ZKSCAN1: variants seen among roughly 807,000 people sequenced by gnomAD.
ZKSCAN1 encodes zinc finger with KRAB and SCAN domains 1.
Under a neutral mutation model 51.6 loss-of-function variants are expected in ZKSCAN1, and 14 were observed. The ratio of observed to expected loss-of-function variants is 0.27; its 90% CI spans 0.18 to 0.42. The LOEUF (loss-of-function observed/expected upper bound fraction) is 0.42, where lower values mean the gene tolerates loss of function less well. Ranked by LOEUF, ZKSCAN1 falls within the 10% of genes least tolerant of loss-of-function variation. The probability of loss-of-function intolerance (pLI) is 1.00; values close to 1 mark genes in which losing one functional copy is unlikely to be tolerated. For synonymous variants in ZKSCAN1, 263 were observed against 261.5 expected (o/e 1.01, Z -0.06); for missense variants, 531 against 710.0 (o/e 0.75, Z 2.86).
At chr7:100,032,737 G>C (rs1433816724) in intron 5 of ZKSCAN1, among the ~76,000 whole-genome samples, 1 of 151,506 alleles carries the variant, frequency 6.6e-6, no homozygotes, top group Non-Finnish European at 1.5e-5. Context: ...GGCCAGGCGT[G>C]GTGGCTCACG....
At chr7:100,025,558 C>T (rs995369655) in intron 3 of ZKSCAN1, among the ~76,000 whole-genome samples, 4 of 152,146 alleles carry the variant, frequency 2.6e-5, no homozygotes, top group African/African-American at 9.7e-5. Flanking sequence ...ACAAGGAATG[C>T]TAAAAGTACA....
At chr7:100,027,914 C>T (rs1055711417) in intron 3 of ZKSCAN1, among the ~76,000 whole-genome samples, 2 of 151,828 alleles carry the variant, frequency 1.3e-5, no homozygotes, top group African/African-American at 2.4e-5. Flanking sequence ...TTTAGGTTGC[C>T]AGAGTAACAG....
At position 100,037,568 on chromosome 7, in the gene ZKSCAN1, C is replaced by G. The variant is rs1791416928; in HGVS notation, c.*3371C>G. On this transcript the variant is annotated 3_prime_UTR_variant, in exon 6 of 6. Coordinates refer to ENST00000324306, the MANE Select transcript of ZKSCAN1 (RefSeq NM_003439.4). ...AATACGGCAAAGCCTTTAATCACAT[C>G]TCAGCCCTTAGCATCGGAAAGCTTA... 2 of 985,360 alleles carry G rather than the reference C, an allele frequency of 2.0e-6. No individual in the cohort carries two copies. The highest frequency in any genetic ancestry group is 2.4e-6 in the Non-Finnish European group (2 of 829,950). 61.0% of individuals were successfully genotyped at this position (985,360 alleles called of 1,614,324 possible). A position where few individuals can be genotyped will look rare whatever the true frequency, so the allele number is the denominator to read the frequency against.
chr7:100,041,646 T>C lies in ZKSCAN1; in HGVS notation c.*7449T>C. ...AAATATTCTCTTTATGTTGTTTCTC[T>C]TCTGAGTCATGGTAAAACAATAAAT... On this transcript the variant is annotated 3_prime_UTR_variant, in exon 6 of 6. Transcript: ENST00000324306. 1.0e-6 allele frequency: 1 copy of C among 985,410 alleles called. No homozygotes were observed. Among genetic ancestry groups the C allele is most frequent in the Non-Finnish European group, 1.2e-6 (1 of 829,920 alleles). 61.0% of individuals were successfully genotyped at this position (985,410 alleles called of 1,614,324 possible).
At chr7:100,017,857 T>C (rs1313518950) in intron 1 of ZKSCAN1, among the ~76,000 whole-genome samples, 14 of 152,220 alleles carry the variant, frequency 9.2e-5, no homozygotes, top group Non-Finnish European at 2.9e-5. Context: ...AATTCAGTTA[T>C]TGCCTGTGCA....
At chr7:100,022,556 T>C (rs1332324096) in intron 1 of ZKSCAN1, among the ~76,000 whole-genome samples, 2 of 152,244 alleles carry the variant, frequency 1.3e-5, no homozygotes, top group African/African-American at 4.8e-5. Context: ...GCGGATCATC[T>C]TGTACTTTGG....
rs1212180027 is a variant in ZKSCAN1, at chr7:100,015,633, C to G, written c.-182C>G. On this transcript the variant is annotated 5_prime_UTR_variant, in exon 1 of 6. Transcript: ENST00000324306. ...GTCTGTGTCGAGGCGTCGGGAGGGC[C>G]TAAGTCCGTGTGCGGTGCCCTTCGG... 6.6e-6 allele frequency: 1 copy of G among 152,288 alleles called. No individual in the cohort carries two copies. The highest frequency in any genetic ancestry group is 1.5e-5 in the Non-Finnish European group (1 of 68,098). 9.4% of individuals were successfully genotyped at this position (152,288 alleles called of 1,614,324 possible). A position where few individuals can be genotyped will look rare whatever the true frequency, so the allele number is the denominator to read the frequency against.
chr7:100,028,490 G>A (rs1318247272), intron 3 of ZKSCAN1, among the ~76,000 whole-genome samples: 6 of 152,078 alleles, frequency 3.9e-5, no homozygotes, highest in Admixed American at 3.3e-4. Flanking sequence ...TCCAACCTGG[G>A]TGACAGAGAG....
Position 100,040,370 on chromosome 7 carries a change from C to T in ZKSCAN1, c.*6173C>T, listed in dbSNP as rs1020508645. ...TTCTCACCTCCATTTACTAAAGAAT[C>T]GTGACTTAATTCAAATTGCACAGTA... is the stretch of plus-strand genomic sequence containing the variant. On this transcript the variant is annotated 3_prime_UTR_variant, in exon 6 of 6. Transcript: ENST00000324306. The T allele has an allele frequency of 1.4e-4, 136 of 985,372 alleles. No individual in the cohort carries two copies. Among genetic ancestry groups the T allele is most frequent in the South Asian group, 3.3e-4 (7 of 21,278 alleles). The allele number at this position is 985,372 out of a possible 1,614,324, so 61.0% of individuals were successfully genotyped here.
rs899920110 is a variant in ZKSCAN1, at chr7:100,036,844, T to C, written c.*2647T>C. 2 of 984,856 alleles carry C rather than the reference T, an allele frequency of 2.0e-6. No individual in the cohort carries two copies. The highest frequency in any genetic ancestry group is 1.8e-5 in the African/African-American group (1 of 57,126). The allele number at this position is 984,856 out of a possible 1,614,324, so 61.0% of individuals were successfully genotyped here. ...TACATTGGCCTTTGGTTTTTTTTTT[T>C]CTTTCAGCCACAACTATATGCTGAT... On this transcript the variant is annotated 3_prime_UTR_variant, in exon 6 of 6. Coordinates refer to ENST00000324306, the MANE Select transcript of ZKSCAN1 (RefSeq NM_003439.4).
chr7:100,019,682 A>C (rs149373946), intron 1 of ZKSCAN1, among the ~76,000 whole-genome samples: 1 of 152,138 alleles, frequency 6.6e-6, no homozygotes, highest in East Asian at 1.9e-4. Context: ...TAAGTTATTT[A>C]ATGGCAGTAT....
At chr7:100,042,605 C>T (rs192284482), downstream of ZKSCAN1, among the ~76,000 whole-genome samples, 4 of 152,064 alleles carry the variant, frequency 2.6e-5, no homozygotes, top group South Asian at 2.1e-4. Flanking sequence ...TGCTTTGGAC[C>T]GGCTATAAAT....
In ZKSCAN1 at chr7:100,023,991, A is replaced by G. The variant is rs900055759; in HGVS notation, c.426+59A>G. 5.9e-6 allele frequency: 9 copies of G among 1,525,502 alleles called. No individual in the cohort carries two copies. The African/African-American group carries it at 1.1e-4, about 19-fold the overall frequency. The allele number at this position is 1,525,502 out of a possible 1,614,324, so 94.5% of individuals were successfully genotyped here. A position where few individuals can be genotyped will look rare whatever the true frequency, so the allele number is the denominator to read the frequency against. On this transcript the variant is annotated intron_variant, in intron 2 of 5. Transcript: ENST00000324306. ...GGGCACAGACGTTGAAACTGGAGCC[A>G]GGAGAAGTATTGGCAGGCTTTAGGT... is the stretch of plus-strand genomic sequence containing the variant.
intron 3 of ZKSCAN1, among the ~76,000 whole-genome samples, chr7:100,025,769 T>G (rs995369929): frequency 6.6e-6 from 1 of 152,100 alleles, no homozygotes; most frequent in African/African-American, 2.4e-5. Context: ...TATCTAAACA[T>G]CGAAAAAGTA....
intron 1 of ZKSCAN1, among the ~76,000 whole-genome samples, chr7:100,016,139 C>G (rs1182433411): frequency 6.6e-6 from 1 of 152,156 alleles, no homozygotes; most frequent in East Asian, 1.9e-4. Flanking sequence ...CTTTTTCCCC[C>G]CCCGGTTCCT....
At chr7:100,042,100 C>T (rs1791613145), downstream of ZKSCAN1, among the ~76,000 whole-genome samples, 1 of 152,160 alleles carries the variant, frequency 6.6e-6, no homozygotes, top group Admixed American at 6.5e-5. Context: ...AGGCAGATCA[C>T]CTGAGGCCAG....
At chr7:100,028,169 A>G (rs1402379561) in intron 3 of ZKSCAN1, among the ~76,000 whole-genome samples, 1 of 152,078 alleles carries the variant, frequency 6.6e-6, no homozygotes, top group Non-Finnish European at 1.5e-5. Context: ...CCTGGCCAAC[A>G]TGGTGAAACC....
chr7:100,016,015 A>G (rs1389120662), intron 1 of ZKSCAN1, among the ~76,000 whole-genome samples: 1 of 152,156 alleles, frequency 6.6e-6, no homozygotes, highest in Non-Finnish European at 1.5e-5. Context: ...CCTCTCCCGC[A>G]GTGTCGTCAT....
rs184836248 is a variant in ZKSCAN1, at chr7:100,025,487, A to G, written c.580+1180A>G. 8.7e-4 allele frequency among the ~76,000 whole-genome samples: 133 copies of G among 152,330 alleles called. 1 individual carries two copies. Among genetic ancestry groups the G allele is most frequent in the Admixed American group, 2.4e-3 (36 of 15,300 alleles). ...CATGTTACTTGTTTTTTCTCTTTTG[A>G]CGGAAATATGTAATACATTTATCCA... On this transcript the variant is annotated intron_variant, in intron 3 of 5. Transcript: ENST00000324306.
Sources: gnomAD v4.1 joint callset for allele counts (sites outside exome capture counted in the v4.1 genomes callset) on GRCh38, gnomAD v4.1.1 for gene constraint, MANE v1.5 for transcripts, NCBI Gene and HGNC (gene_info 2026-07-23, HGNC 2026-07-21) for gene names.